USP8: variants seen among roughly 807,000 people sequenced by gnomAD.
USP8 encodes ubiquitin specific peptidase 8, also known as ubiquitin carboxyl-terminal hydrolase 8.
USP8 carries 27 observed loss-of-function variants against 130.0 expected under a neutral mutation model. The ratio of observed to expected loss-of-function variants is 0.21; its 90% CI spans 0.15 to 0.29. The LOEUF is 0.29. USP8 is among the 10% of genes least tolerant of loss of function. The pLI is 1.00. For synonymous variants in USP8, 392 were observed against 444.1 expected, an observed-to-expected ratio of 0.88 and a Z score of 1.48; for missense variants, 1,029 against 1,312.2, an observed-to-expected ratio of 0.78 and a Z score of 3.33.
At chr15:50,498,381 A>G in intron 18 of USP8, 2 of 529,518 alleles carry the variant, frequency 3.8e-6, no homozygotes, top group South Asian at 6.8e-5. Flanking sequence ...GTTTGACCTT[A>G]GGCACATCAT....
intron 12 of USP8, among the ~76,000 whole-genome samples, chr15:50,488,646 C>T (rs1406145414): frequency 6.8e-6 from 1 of 147,346 alleles, no homozygotes; most frequent in Non-Finnish European, 1.5e-5. Flanking sequence ...CTCACTGCAA[C>T]CTCCGCCTCC....
chr15:50,490,178 G>T (rs1595981267), intron 13 of USP8, 85 bp from the exon 14 acceptor site: 1 of 1,350,610 alleles, frequency 7.4e-7, no homozygotes, highest in Non-Finnish European at 1.0e-6. Flanking sequence ...AGTAAATTTA[G>T]CAGAATACTT....
intron 5 of USP8, 72 bp from the exon 6 acceptor site, chr15:50,462,208 G>T (rs1440869865): frequency 6.2e-6 from 8 of 1,300,118 alleles, no homozygotes; most frequent in Admixed American, 2.1e-5. Flanking sequence ...TTTAAGAGAA[G>T]TAAATGAAGT....
chr15:50,495,489 G>GT (rs2052360304), intron 16 of USP8, among the ~76,000 whole-genome samples: 1 of 147,252 alleles, frequency 6.8e-6, no homozygotes, highest in African/African-American at 2.6e-5. Flanking sequence ...AGATTGGAGG[G>GT]GGGGGTCTCA....
At chr15:50,450,462 CTTTTTTT>C (rs35800074) in intron 4 of USP8, among the ~76,000 whole-genome samples, 7,545 of 80,816 alleles carry the variant, frequency 0.093, 264 homozygotes, top group African/African-American at 0.17. Context: ...GTTAGTCATT[CTTTTTTT>C]TTTTTTTTTT....
chr15:50,459,199 T>G (rs773456306), intron 5 of USP8, 37 bp downstream of exon 5: 1 of 1,573,874 alleles, frequency 6.4e-7, no homozygotes, highest in Non-Finnish European at 8.6e-7. Context: ...AAAGACTGTT[T>G]CTGCTTGTTA....
chr15:50,430,024 A>G (rs542730166), intron 1 of USP8, among the ~76,000 whole-genome samples: 2 of 152,234 alleles, frequency 1.3e-5, no homozygotes, highest in Non-Finnish European at 2.9e-5. Context: ...CTGGTTTGCT[A>G]AGTGCCTATA....
At chr15:50,428,688 CAGCAAAACTAG>C (rs2049826637) in intron 1 of USP8, among the ~76,000 whole-genome samples, 1 of 152,190 alleles carries the variant, frequency 6.6e-6, no homozygotes, top group African/African-American at 2.4e-5. Flanking sequence ...TGAGGTGTGA[CAGCAAAACTAG>C]CACAAATTTC....
chr15:50,498,967 G>T lies in USP8; in HGVS notation c.3236G>T (p.Arg1079Leu). The T allele has an allele frequency of 6.2e-7, 1 of 1,613,824 alleles. No homozygotes were observed. The highest frequency in any genetic ancestry group is 8.5e-7 in the Non-Finnish European group (1 of 1,179,836). The change falls in exon 20 of 20, where the codon CGG (arginine) becomes CTG (leucine). Residue 1079 changes from arginine to leucine, a missense_variant. Arg to Leu is a moderately radical substitution (Grantham distance 102). Transcript: ENST00000307179. ...TATTGTAAAAATGCAGCAAGACAAC[G>T]GTGGTTTAAGTTTGATGATCATGAA... is the stretch of plus-strand genomic sequence containing the variant. ...TAYCKNAARQRWFKFDDHEVS... is the reference protein window; with the variant it reads ...TAYCKNAARQLWFKFDDHEVS...
rs1466805226 is a variant in USP8, at chr15:50,513,010, A to G, written c.*13922A>G. On this transcript the variant is annotated 3_prime_UTR_variant, in exon 20 of 20. Transcript: ENST00000307179. ...GACTCTTTCCAATCAATAAGAAGAA[A>G]AATAACCCAGTTTGTAAAAAATGTG... is the stretch of plus-strand genomic sequence containing the variant. 1 of 152,240 alleles carries G rather than the reference A, an allele frequency of 6.6e-6. No homozygotes were observed. The highest frequency in any genetic ancestry group is 2.4e-5 in the African/African-American group (1 of 41,466). 9.4% of individuals were successfully genotyped at this position (152,240 alleles called of 1,614,324 possible).
chr15:50,437,136 C>T (rs2050115495), intron 1 of USP8, among the ~76,000 whole-genome samples: 1 of 152,096 alleles, frequency 6.6e-6, no homozygotes, highest in East Asian at 1.9e-4. Flanking sequence ...TTGTTATGCT[C>T]ATATTATTTC....
chr15:50,505,119 G>C lies in USP8; in HGVS notation c.*6031G>C, dbSNP rs577215938. On this transcript the variant is annotated 3_prime_UTR_variant, in exon 20 of 20. Coordinates refer to ENST00000307179, the MANE Select transcript of USP8 (RefSeq NM_005154.5). ...AGCGTATGTCCTGTAGAAGTTCTAG[G>C]AGGAGAGAATCGAGTAGGGGAGCAA... 1 of 152,304 alleles carries C rather than the reference G, an allele frequency of 6.6e-6. No individual in the cohort carries two copies. The highest frequency in any genetic ancestry group is 2.1e-4 in the South Asian group (1 of 4,822). The allele number at this position is 152,304 out of a possible 1,614,324, so 9.4% of individuals were successfully genotyped here. A position where few individuals can be genotyped will look rare whatever the true frequency, so the allele number is the denominator to read the frequency against.
At chr15:50,450,039 G>A (rs1218268954) in intron 4 of USP8, among the ~76,000 whole-genome samples, 4 of 148,578 alleles carry the variant, frequency 2.7e-5, no homozygotes, top group Admixed American at 6.7e-5. Flanking sequence ...GACTACAGGC[G>A]CCCGCCACCT....
At chr15:50,483,370 G>T (rs1207603574) in intron 11 of USP8, among the ~76,000 whole-genome samples, 1 of 152,142 alleles carries the variant, frequency 6.6e-6, no homozygotes, top group Non-Finnish European at 1.5e-5. Context: ...CATTCTTTGT[G>T]TGCTCCTTTT....
Position 50,424,450 on chromosome 15 carries a change from C to T in USP8, c.-130C>T, listed in dbSNP as rs2049626951. 1.3e-5 allele frequency: 5 copies of T among 398,626 alleles called. No homozygotes were observed. The highest frequency in any genetic ancestry group is 2.1e-5 in the African/African-American group (1 of 48,656). 24.7% of individuals were successfully genotyped at this position (398,626 alleles called of 1,614,324 possible). A position where few individuals can be genotyped will look rare whatever the true frequency, so the allele number is the denominator to read the frequency against. ...CTGGTAGCCAAGGCTAATTCTCCCT[C>T]GAGTTCTTGGGAGATGGGCATTTGG... On this transcript the variant is annotated 5_prime_UTR_variant, in exon 1 of 20. Coordinates refer to ENST00000307179, the MANE Select transcript of USP8 (RefSeq NM_005154.5).
In USP8 at chr15:50,499,380, A is replaced by ATTGT. The variant is rs756328023; in HGVS notation, c.*294_*297dup. The ATTGT allele has an allele frequency of 4.6e-6, 1 of 217,988 alleles. No individual in the cohort carries two copies. The highest frequency in any genetic ancestry group is 2.8e-5 in the African/African-American group (1 of 36,176). 13.5% of individuals were successfully genotyped at this position (217,988 alleles called of 1,614,324 possible). A position where few individuals can be genotyped will look rare whatever the true frequency, so the allele number is the denominator to read the frequency against. On this transcript the variant is annotated 3_prime_UTR_variant, in exon 20 of 20. Transcript: ENST00000307179. ...TTATTATTCGACTGGTCTAAAAACTATTGTTATCTTTTTTTTTTCCTTTTC... is the reference window on the plus strand; with the variant it reads ...TTATTATTCGACTGGTCTAAAAACTATTGTTTGTTATCTTTTTTTTTTCCTTTTC...
intron 3 of USP8, among the ~76,000 whole-genome samples, chr15:50,445,769 A>G (rs570919402): frequency 1.1e-3 from 172 of 150,736 alleles, no homozygotes; most frequent in Admixed American, 9.7e-3. Flanking sequence ...AGGCAGGCGA[A>G]TTGCTTGAAC....
chr15:50,432,962 C>T (rs1368987685), intron 1 of USP8, among the ~76,000 whole-genome samples: 1 of 152,186 alleles, frequency 6.6e-6, no homozygotes, highest in Non-Finnish European at 1.5e-5. Flanking sequence ...ATTTCATTGG[C>T]CGGGCACGAT....
At chr15:50,459,303 G>A in intron 5 of USP8, 141 bp downstream of exon 5, 2 of 1,244,336 alleles carry the variant, frequency 1.6e-6, no homozygotes, top group South Asian at 1.7e-5. Context: ...TTTATTTAAG[G>A]CTGGGCACGG....
Sources: allele counts gnomAD v4.1 joint callset (sites outside exome capture counted in the v4.1 genomes callset), GRCh38; gene constraint gnomAD v4.1.1; transcripts MANE v1.5; gene names NCBI Gene and HGNC (gene_info 2026-07-23, HGNC 2026-07-21).